Variants in DNAH10 observed in about 807,000 individuals in gnomAD.
DNAH10 encodes the protein dynein axonemal heavy chain 10, also known as axonemal beta dynein heavy chain 10.
A neutral mutation model predicts 506.6 loss-of-function variants in DNAH10; 348 were observed. That is an observed-to-expected ratio of 0.69 (90% CI 0.63 to 0.75). The LOEUF is 0.75. DNAH10 is among the 30% of genes least tolerant of loss of function. The pLI is 0.00. For synonymous variants in DNAH10, 2,059 were observed against 2,198.6 expected (o/e 0.94, Z 1.78); for missense variants, 5,179 against 5,787.1 (o/e 0.89, Z 3.41).
chr12:123,817,893 C>G (rs1181269097), intron 21 of DNAH10, among the ~76,000 whole-genome samples: 2 of 151,734 alleles, frequency 1.3e-5, no homozygotes, highest in African/African-American at 4.8e-5. Context: ...TGATTTGAAG[C>G]TGGGCTTTAG....
intron 6 of DNAH10, among the ~76,000 whole-genome samples, chr12:123,782,320 C>G (rs1043546305): frequency 6.4e-5 from 8 of 124,262 alleles, no homozygotes; most frequent in African/African-American, 2.2e-4. Context: ...TCTCCTTTTG[C>G]CCTGCCCTGC....
intron 43 of DNAH10, 151 bp from the exon 44 acceptor site, chr12:123,870,215 C>A (rs114695989): frequency 3.0e-6 from 3 of 997,710 alleles, no homozygotes; most frequent in Non-Finnish European, 2.9e-6. Context: ...TCAAGGTACT[C>A]GGTATCTGTC....
At position 123,823,331 on chromosome 12, in the gene DNAH10, C is replaced by T. The variant is rs79683601; in HGVS notation, c.4179+2573C>T. 8.1e-3 allele frequency among the ~76,000 whole-genome samples: 1,229 copies of T among 152,226 alleles called. 17 individuals are homozygous for T. The highest frequency in any genetic ancestry group is 0.027 in the African/African-American group (1,138 of 41,534). ...GCGAAGCGGCCGGTGGAGATGAAGC[C>T]GTGAGAAGGGACTCCGGAGGCAGCC... On this transcript the variant is annotated intron_variant, in intron 24 of 78. Coordinates refer to ENST00000673944, the MANE Select transcript of DNAH10 (RefSeq NM_001372106.1).
At chr12:123,932,255 C>T in intron 76 of DNAH10, 147 bp downstream of exon 76, 2 of 986,566 alleles carry the variant, frequency 2.0e-6, no homozygotes, top group Non-Finnish European at 3.0e-6. Flanking sequence ...GAGATTCTTA[C>T]AAGCCTATCT....
In DNAH10 at chr12:123,787,686, GA is replaced by G; in HGVS notation, c.1422-115del. 2 of 1,268,692 alleles carry G rather than the reference GA, an allele frequency of 1.6e-6. No individual in the cohort carries two copies. Among genetic ancestry groups the G allele is most frequent in the South Asian group, 1.3e-5 (1 of 74,884 alleles). The allele number at this position is 1,268,692 out of a possible 1,614,324, so 78.6% of individuals were successfully genotyped here. On this transcript the variant is annotated intron_variant, in intron 9 of 78. Coordinates refer to ENST00000673944, the MANE Select transcript of DNAH10 (RefSeq NM_001372106.1). The surrounding 1 kb of genome is among the most constrained non-coding windows in gnomAD (Gnocchi z 4.6). Reference sequence around the variant, plus strand: ...GCTCTGCCTTTTCCGATGAGGCCGTGAAACCAGGGGGGGCGCCCGGGTCAGA... The same window carrying G: ...GCTCTGCCTTTTCCGATGAGGCCGTGAACCAGGGGGGGCGCCCGGGTCAGA...
At chr12:123,840,656 C>T (rs1308520031) in intron 29 of DNAH10, among the ~76,000 whole-genome samples, 1 of 152,138 alleles carries the variant, frequency 6.6e-6, no homozygotes, top group Non-Finnish European at 1.5e-5. Context: ...GCCTCTTTTG[C>T]AAACCTCTGT....
chr12:123,813,865 A>AG lies in DNAH10; in HGVS notation c.3736dup (p.Asp1246GlyfsTer13), dbSNP rs1565938242. 6.2e-7 allele frequency: 1 copy of AG among 1,612,310 alleles called. No homozygotes were observed. The highest frequency in any genetic ancestry group is 2.2e-5 in the East Asian group (1 of 44,888). On this transcript the variant is annotated frameshift_variant, in exon 21 of 79. Coordinates refer to ENST00000673944, the MANE Select transcript of DNAH10 (RefSeq NM_001372106.1). LOFTEE classifies it high-confidence loss of function. ...ATCTCTAGTCATGGAACTCAGATAT[A>AG]GGGACGTCCAGGAGCGATACCGTAC...
chr12:123,809,076 T>G (rs1266870269), intron 19 of DNAH10, 123 bp downstream of exon 19: 7 of 1,177,750 alleles, frequency 5.9e-6, no homozygotes, highest in Middle Eastern at 2.6e-4. Flanking sequence ...TTCTGCCTTG[T>G]GACTCAGTCA....
At chr12:123,837,063 G>T (rs185826287) in intron 28 of DNAH10, among the ~76,000 whole-genome samples, 1 of 151,456 alleles carries the variant, frequency 6.6e-6, no homozygotes, top group African/African-American at 2.4e-5. Flanking sequence ...GTGTTAGCCA[G>T]GATGGTCTCA....
chr12:123,892,369 A>G (rs946325988), intron 52 of DNAH10, among the ~76,000 whole-genome samples: 2 of 152,182 alleles, frequency 1.3e-5, no homozygotes, highest in Non-Finnish European at 2.9e-5. Context: ...AGATCTCACG[A>G]GAACTCACTC....
intron 28 of DNAH10, 66 bp from the exon 29 acceptor site, chr12:123,838,384 TCTGGGC>T: frequency 2.1e-6 from 3 of 1,410,206 alleles, no homozygotes; most frequent in Non-Finnish European, 2.9e-6. Context: ...GAGTGCCTGT[TCTGGGC>T]TCAAGAACAG....
At chr12:123,806,138 A>G (rs993138026) in intron 18 of DNAH10, among the ~76,000 whole-genome samples, 7 of 152,084 alleles carry the variant, frequency 4.6e-5, no homozygotes, top group African/African-American at 1.2e-4. Context: ...TTTTTAAGTG[A>G]TACGGACTCT....
In DNAH10 at chr12:123,762,748, A is replaced by G. The variant is rs1305609837; in HGVS notation, c.214+198A>G. Among the ~76,000 whole-genome samples the G allele has an allele frequency of 1.3e-5, 2 of 152,208 alleles. No individual in the cohort carries two copies. Among genetic ancestry groups the G allele is most frequent in the African/African-American group, 4.8e-5 (2 of 41,474 alleles). The stretch of plus-strand genomic sequence containing the variant: ...GCCGTCCCTGCCCTCCTGGGCCCAC[A>G]GCCCACTTGAAAGTCAGGCCTTGAT... On this transcript the variant is annotated intron_variant, in intron 1 of 78. Coordinates refer to ENST00000673944, the MANE Select transcript of DNAH10 (RefSeq NM_001372106.1). This position sits in a 1 kb window ranked among gnomAD's most constrained non-coding sequence, Gnocchi z 5.0.
chr12:123,796,442 G>A (rs996667525), intron 12 of DNAH10, among the ~76,000 whole-genome samples: 5 of 149,732 alleles, frequency 3.3e-5, no homozygotes, highest in Non-Finnish European at 4.4e-5. Context: ...GGGCAACAGC[G>A]CAAGACTCTG....
At chr12:123,797,029 T>C (rs1042465076) in intron 13 of DNAH10, among the ~76,000 whole-genome samples, 197 bp downstream of exon 13, 1 of 151,994 alleles carries the variant, frequency 6.6e-6, no homozygotes, top group African/African-American at 2.4e-5. Flanking sequence ...TGCCACCACG[T>C]CCGGCTAATT....
intron 1 of DNAH10, among the ~76,000 whole-genome samples, chr12:123,766,418 T>C (rs1009937930): frequency 6.6e-6 from 1 of 152,226 alleles, no homozygotes; most frequent in Admixed American, 6.5e-5. Context: ...ATAAATATCA[T>C]ACTATATATA....
In DNAH10 at chr12:123,929,418, G is replaced by C. The variant is rs370318135; in HGVS notation, c.12450G>C (p.Gln4150His). The change falls in exon 71 of 79, where the codon CAG becomes CAC. Residue 4150 changes from glutamine (Q) to histidine (H), a missense_variant. By Grantham distance (24) the Gln-to-His change is conservative. Transcript: ENST00000673944. ...YVLAFFHAVV[Q>H]ERRKFGKIGW... ...TGGCGTTCTTTCATGCTGTGGTGCA[G>C]GAGAGAAGGAAGTTTGGGAAGATTG... 1 of 1,613,736 alleles carries C rather than the reference G, an allele frequency of 6.2e-7. No homozygotes were observed. The highest frequency in any genetic ancestry group is 8.5e-7 in the Non-Finnish European group (1 of 1,179,808).
At chr12:123,834,728 A>G (rs905903250) in intron 27 of DNAH10, among the ~76,000 whole-genome samples, 1 of 152,148 alleles carries the variant, frequency 6.6e-6, no homozygotes, top group African/African-American at 2.4e-5. Context: ...TTCTGTGTCA[A>G]TGGATTTACC....
intron 51 of DNAH10, 35 bp downstream of exon 51, chr12:123,881,848 G>A (rs1952524616): frequency 6.9e-7 from 1 of 1,439,912 alleles, no homozygotes; most frequent in African/African-American, 1.5e-5. Context: ...ATAGGTTTAC[G>A]ATGCCAGTTT....
Sources: gnomAD v4.1 joint callset for allele counts (sites outside exome capture counted in the v4.1 genomes callset) on GRCh38, gnomAD v4.1.1 for gene constraint, Gnocchi (gnomAD v3.1) non-coding constraint, MANE v1.5 for transcripts, NCBI Gene and HGNC (gene_info 2026-07-23, HGNC 2026-07-21) for gene names.